The following SETX variants were observed in gnomAD, a reference collection of about 807,000 sequenced individuals.
SETX encodes the protein senataxin, also known as helicase senataxin.
SETX carries 90 observed loss-of-function variants against 227.2 expected under a neutral mutation model. The ratio of observed to expected loss-of-function variants is 0.40; its 90% confidence interval spans 0.33 to 0.47. The LOEUF (loss-of-function observed/expected upper bound fraction) is 0.47, where lower values mean the gene tolerates loss of function less well. SETX is among the 20% of genes least tolerant of loss of function. SETX has a pLI of 0.91. For synonymous variants in SETX, 1,210 were observed against 1,113.2 expected, an observed-to-expected ratio of 1.09 and a Z score of -1.73; for missense variants, 3,052 against 3,181.5, an observed-to-expected ratio of 0.96 and a Z score of 0.98.
chr9:132,290,912 T>C (rs1012859766), intron 15 of SETX, among the ~76,000 whole-genome samples: 2 of 152,062 alleles, frequency 1.3e-5, no homozygotes, highest in African/African-American at 4.8e-5. Flanking sequence ...ATGTAGAGTT[T>C]GTCAGCATTT....
chr9:132,301,309 G>A (rs920345860), intron 11 of SETX, among the ~76,000 whole-genome samples: 2 of 151,778 alleles, frequency 1.3e-5, no homozygotes, highest in Non-Finnish European at 2.9e-5. Flanking sequence ...GGATGGTCTC[G>A]ATCTCCTGAC....
At position 132,281,670 on chromosome 9, in the gene SETX, T is replaced by C. The variant is rs571851827; in HGVS notation, c.6547-96A>G. On this transcript the variant is annotated intron_variant, in intron 19 of 25. Coordinates refer to ENST00000224140, the MANE Select transcript of SETX (RefSeq NM_015046.7). ...AAAGTTCTAACCATTCAGAAAAGTA[T>C]CACACTTCTCCTGCACCAAATATCA... The C allele has an allele frequency of 1.8e-5, 16 of 867,426 alleles. No homozygotes were observed. The South Asian group carries it at 1.9e-4, about 10-fold the overall frequency. The allele number at this position is 867,426 out of a possible 1,614,324, so 53.7% of individuals were successfully genotyped here. A position where few individuals can be genotyped will look rare whatever the true frequency, so the allele number is the denominator to read the frequency against.
chr9:132,318,290 A>C (rs1373671815), intron 10 of SETX, among the ~76,000 whole-genome samples: 1 of 152,162 alleles, frequency 6.6e-6, no homozygotes. Flanking sequence ...ATATGCTTAT[A>C]GCTAAATTTT....
intron 25 of SETX, among the ~76,000 whole-genome samples, chr9:132,267,240 G>A (rs1301197814): frequency 2.0e-5 from 3 of 152,332 alleles, no homozygotes; most frequent in African/African-American, 7.2e-5. Flanking sequence ...TGCTTGGCCC[G>A]GTGGCTGGCA....
chr9:132,300,028 G>A (rs1053491292), intron 12 of SETX, among the ~76,000 whole-genome samples: 1 of 150,134 alleles, frequency 6.7e-6, no homozygotes, highest in African/African-American at 2.5e-5. Flanking sequence ...TACTTGGGAA[G>A]CTGAGGCAGG....
chr9:132,294,325 G>T (rs1844534350), intron 15 of SETX, among the ~76,000 whole-genome samples: 2 of 152,280 alleles, frequency 1.3e-5, no homozygotes, highest in African/African-American at 4.8e-5. Context: ...TTTTAATAAA[G>T]TTTTGTAATG....
intron 11 of SETX, among the ~76,000 whole-genome samples, chr9:132,310,113 G>T (rs559690281): frequency 6.6e-6 from 1 of 152,044 alleles, no homozygotes; most frequent in African/African-American, 2.4e-5. Flanking sequence ...CAAAAGCCTT[G>T]AACAGGCACT....
Position 132,329,341 on chromosome 9 carries a change from C to G in SETX, c.2257G>C (p.Asp753His), listed in dbSNP as rs781779684. 1.2e-6 allele frequency: 2 copies of G among 1,613,802 alleles called. No individual in the cohort carries two copies. The highest frequency in any genetic ancestry group is 2.7e-5 in the African/African-American group (2 of 74,936). Residue 753 changes from aspartate (D) to histidine (H), a missense_variant, in exon 10 of 26, where the codon GAT becomes CAT. Asp to His is a moderately conservative substitution (Grantham distance 81). Transcript: ENST00000224140. ...STRLLTDSST[D>H]ALEKVSTSNE... ...GATGTGGACACTTTTTCCAAAGCAT[C>G]AGTGCTAGAATCAGTCAACAAACGT... is the stretch of plus-strand genomic sequence containing the variant.
chr9:132,326,834 T>C lies in SETX; in HGVS notation c.4764A>G (p.Ala1588=), dbSNP rs1395629873. 1 of 1,614,122 alleles carries C rather than the reference T, an allele frequency of 6.2e-7. No homozygotes were observed. Among genetic ancestry groups the C allele is most frequent in the African/African-American group, 1.3e-5 (1 of 74,938 alleles). Residue 1588 remains alanine, a synonymous_variant, in exon 10 of 26, where the codon GCA becomes GCG. Coordinates refer to ENST00000224140, the MANE Select transcript of SETX (RefSeq NM_015046.7). ...TAGTGGTAGGTCTCAAAGGTTTAGA[T>C]GCAGGAGGAGGCAAGCCAGGTTTAC... The part of the protein sequence containing the change: ...VFRKPGLPPP[A]SKPLRPTTKI...
At chr9:132,354,754 C>T (rs947055525) in intron 1 of SETX, among the ~76,000 whole-genome samples, 163 bp downstream of exon 1, 3 of 152,094 alleles carry the variant, frequency 2.0e-5, no homozygotes, top group Non-Finnish European at 4.4e-5. Context: ...GGTGCTCCCG[C>T]CCCCGCACCG....
chr9:132,328,107 C>T lies in SETX; in HGVS notation c.3491G>A (p.Arg1164Gln), dbSNP rs369264209. The T allele has an allele frequency of 3.4e-5, 55 of 1,613,796 alleles. No homozygotes were observed. Among genetic ancestry groups the T allele is most frequent in the Admixed American group, 2.3e-4 (14 of 59,938 alleles). The change falls in exon 10 of 26, where the codon CGA becomes CAA. Residue 1164 changes from arginine to glutamine, a missense_variant. Around this residue, in one of 10 missense-constraint regions of SETX, gnomAD observed 1,483 missense variants for 1,312.0 expected, o/e 1.13. Transcript: ENST00000224140. ...ATCTTCAGCCATTGGTTTTTCAGAT[C>T]GTTTTCTCTTAGGCTTTTTTACTTC... Reference protein sequence around the residue: ...EIEVKKPKRKRSEKPMAEDPV... With the variant: ...EIEVKKPKRKQSEKPMAEDPV...
At position 132,261,635 on chromosome 9, in the gene SETX, CACA is replaced by C. The variant is rs759937228; in HGVS notation, c.*2601_*2603del. On this transcript the variant is annotated 3_prime_UTR_variant, in exon 26 of 26. Transcript: ENST00000224140. Reference sequence around the variant, plus strand: ...GCTATAGCAAAAAATTGCTAATCTGCACAACTTTAAAAAATAGTTCAGTACATT... The same window carrying C: ...GCTATAGCAAAAAATTGCTAATCTGCACTTTAAAAAATAGTTCAGTACATT... 2.6e-5 allele frequency: 4 copies of C among 152,774 alleles called. No individual in the cohort carries two copies. The highest frequency in any genetic ancestry group is 6.5e-5 in the Admixed American group (1 of 15,270). The allele number at this position is 152,774 out of a possible 1,614,324, so 9.5% of individuals were successfully genotyped here.
At chr9:132,344,036 C>T (rs1006860502) in intron 4 of SETX, among the ~76,000 whole-genome samples, 1 of 152,130 alleles carries the variant, frequency 6.6e-6, no homozygotes, top group Non-Finnish European at 1.5e-5. Context: ...TTCCAGGATA[C>T]CAAAATCCAC....
In SETX at chr9:132,328,492, G is replaced by T; in HGVS notation, c.3106C>A (p.Gln1036Lys). The change falls in exon 10 of 26, where the codon CAG becomes AAG. Residue 1036 changes from glutamine (Q) to lysine (K), a missense_variant. Physicochemically the swap from Gln to Lys is moderately conservative, Grantham distance 53 (BLOSUM62 1). Coordinates refer to ENST00000224140, the MANE Select transcript of SETX (RefSeq NM_015046.7). ...TCCCTCTCAAGGCATATTTTGTCCT[G>T]TTTAGTGAGTTTCTCAAGACTCAGG... ...RILSLEKLTK[Q>K]DKICLEREHP... is the part of the protein sequence containing the mutation. 1 of 1,613,766 alleles carries T rather than the reference G, an allele frequency of 6.2e-7. No individual in the cohort carries two copies. The highest frequency in any genetic ancestry group is 1.1e-5 in the South Asian group (1 of 91,068).
At position 132,264,057 on chromosome 9, in the gene SETX, T is replaced by C; in HGVS notation, c.*182A>G. 1 of 779,874 alleles carries C rather than the reference T, an allele frequency of 1.3e-6. No homozygotes were observed. The highest frequency in any genetic ancestry group is 2.0e-6 in the Non-Finnish European group (1 of 488,888). The allele number at this position is 779,874 out of a possible 1,614,324, so 48.3% of individuals were successfully genotyped here. ...CGGATACACAATGCCCTCTGAAAGC[T>C]TTTGCAAATGACAGAAAATACTGAA... On this transcript the variant is annotated 3_prime_UTR_variant, in exon 26 of 26. Coordinates refer to ENST00000224140, the MANE Select transcript of SETX (RefSeq NM_015046.7).
intron 24 of SETX, among the ~76,000 whole-genome samples, chr9:132,271,187 T>C (rs1033144665): frequency 1.3e-5 from 2 of 152,214 alleles, no homozygotes; most frequent in Non-Finnish European, 2.9e-5. Flanking sequence ...GGGAGTAATA[T>C]GCCTCTGCAA....
At chr9:132,341,528 TA>T (rs1236669648) in intron 5 of SETX, among the ~76,000 whole-genome samples, 1 of 152,178 alleles carries the variant, frequency 6.6e-6, no homozygotes, top group Non-Finnish European at 1.5e-5. Flanking sequence ...GAACTAGGTC[TA>T]CTATCAGCAG....
intron 10 of SETX, among the ~76,000 whole-genome samples, chr9:132,321,765 T>C (rs55675378): frequency 0.019 from 2,794 of 145,376 alleles, 31 homozygotes; most frequent in Middle Eastern, 0.033. Context: ...GGAGAAATGC[T>C]TGAACCCAAG....
chr9:132,295,997 G>C lies in SETX; in HGVS notation c.5981C>G (p.Ser1994Cys), dbSNP rs1259820848. 2 of 1,614,032 alleles carry C rather than the reference G, an allele frequency of 1.2e-6. No individual in the cohort carries two copies. Among genetic ancestry groups the C allele is most frequent in the East Asian group, 2.2e-5 (1 of 44,894 alleles). ...ACGGTTTTGTTTGATTTTGGCATTGGAGTTTTCGTCTGAATGCCCCTTCCT... is the reference window on the plus strand; with the variant it reads ...ACGGTTTTGTTTGATTTTGGCATTGCAGTTTTCGTCTGAATGCCCCTTCCT... ...NQRKGHSDEN[S>C]NAKIKQNRVL... Residue 1994 changes from serine (S) to cysteine (C), a missense_variant, in exon 15 of 26, where the codon TCC becomes TGC. Transcript: ENST00000224140.
Sources: gnomAD v4.1 joint callset for allele counts (sites outside exome capture counted in the v4.1 genomes callset) on GRCh38, gnomAD v4.1.1 for gene constraint, gnomAD v4.1.1 regional missense constraint, MANE v1.5 for transcripts, NCBI Gene and HGNC (gene_info 2026-07-23, HGNC 2026-07-21) for gene names.